The following KLHL3 variants were observed in gnomAD, a reference collection of about 807,000 sequenced individuals.
KLHL3 encodes kelch-like protein 3.
In KLHL3, 19 loss-of-function variants were observed where a neutral mutation model predicts 70.5. The observed-to-expected ratio is 0.27, with a 90% CI of 0.19 to 0.40. The LOEUF (loss-of-function observed/expected upper bound fraction) is 0.40, where lower values mean the gene tolerates loss of function less well. Ranked by LOEUF, KLHL3 falls within the 10% of genes least tolerant of loss-of-function variation. The pLI is 1.00. For synonymous variants in KLHL3, 258 were observed against 290.3 expected, an observed-to-expected ratio of 0.89 and a Z score of 1.13; for missense variants, 512 against 771.1, an observed-to-expected ratio of 0.66 and a Z score of 3.98.
chr5:137,633,591 A>G (rs1348898317), intron 12 of KLHL3, among the ~76,000 whole-genome samples: 1 of 152,230 alleles, frequency 6.6e-6, no homozygotes, highest in Admixed American at 6.5e-5. Context: ...GGCTGATTAA[A>G]GAAAATATAG....
intron 14 of KLHL3, among the ~76,000 whole-genome samples, chr5:137,622,590 C>A (rs890004060): frequency 2.6e-5 from 4 of 152,244 alleles, no homozygotes; most frequent in African/African-American, 9.7e-5. Flanking sequence ...AATTCCATTC[C>A]TAGCTCTGCC....
rs980456938 is a variant in KLHL3 at position 137,620,830 on chromosome 5, G to T, written c.*1268C>A. The T allele has an allele frequency of 2.0e-5, 3 of 152,250 alleles. No homozygotes were observed. The highest frequency in any genetic ancestry group is 4.4e-5 in the Non-Finnish European group (3 of 68,064). 9.4% of individuals were successfully genotyped at this position (152,250 alleles called of 1,614,324 possible). ...ACCTCACAGGGAAAGCAGTAGTGGG[G>T]TTCTTGGGGGTTGGGGAGAGGGTGC... is the stretch of plus-strand genomic sequence containing the variant. On this transcript the variant is annotated 3_prime_UTR_variant, in exon 15 of 15. Transcript: ENST00000309755.
chr5:137,638,858 G>A, intron 10 of KLHL3, 95 bp downstream of exon 10: 1 of 1,203,272 alleles, frequency 8.3e-7, no homozygotes, highest in Non-Finnish European at 1.2e-6. Context: ...GCTACAAATG[G>A]ACAGAAAGTT....
At chr5:137,707,708 A>T (rs962439048) in intron 3 of KLHL3, 4 of 154,358 alleles carry the variant, frequency 2.6e-5, no homozygotes, top group African/African-American at 9.6e-5. Flanking sequence ...TGGGCTGGGC[A>T]TTGCATTACA....
chr5:137,689,828 TA>T (rs1752272876), intron 5 of KLHL3, among the ~76,000 whole-genome samples: 1 of 152,156 alleles, frequency 6.6e-6, no homozygotes, highest in African/African-American at 2.4e-5. Flanking sequence ...TTTTAAATTT[TA>T]AAAAAGGTGG....
Position 137,624,545 on chromosome 5 carries a change from GA to G in KLHL3, c.1735+1207del, listed in dbSNP as rs1464036827. ...TTCATTACAACAGAAGTCTTATGTT[GA>G]AAGAATGTGCTGCAAACTCCTTCAA... On this transcript the variant is annotated intron_variant, in intron 14 of 14. Coordinates refer to ENST00000309755, the MANE Select transcript of KLHL3 (RefSeq NM_017415.3). Among the ~76,000 whole-genome samples, 8 of 152,180 alleles carry G rather than the reference GA, an allele frequency of 5.3e-5. No homozygotes were observed. The East Asian group carries it at 1.5e-3, about 29-fold the overall frequency.
chr5:137,666,044 T>G (rs1751606830), intron 6 of KLHL3, among the ~76,000 whole-genome samples: 1 of 152,220 alleles, frequency 6.6e-6, no homozygotes, highest in Non-Finnish European at 1.5e-5. Context: ...GCTATGTCCC[T>G]CATCCTCACA....
chr5:137,654,304 C>A (rs1751286747), intron 8 of KLHL3, among the ~76,000 whole-genome samples: 1 of 152,144 alleles, frequency 6.6e-6, no homozygotes, highest in African/African-American at 2.4e-5. Context: ...CTAACAAAAC[C>A]TGAAAGCTGT....
Position 137,698,365 on chromosome 5 carries a change from G to A in KLHL3, c.285C>T (p.Asp95=), listed in dbSNP as rs779945979. 14 of 1,614,108 alleles carry A rather than the reference G, an allele frequency of 8.7e-6. No homozygotes were observed. Among genetic ancestry groups the A allele is most frequent in the South Asian group, 3.3e-5 (3 of 91,082 alleles). The part of the protein sequence containing the change: ...ESKAKKIEIK[D]VDGQTLSKLI... ...GCTTACTCAGCGTCTGCCCATCCAC[G>A]TCCTTGATTTCTATCTTTTTGGCTT... Residue 95 remains aspartate, a synonymous_variant, in exon 4 of 15, where the codon GAC becomes GAT. Transcript: ENST00000309755.
intron 2 of KLHL3, among the ~76,000 whole-genome samples, chr5:137,717,431 G>A (rs1752915288): frequency 6.6e-6 from 1 of 152,222 alleles, no homozygotes; most frequent in South Asian, 2.1e-4. Flanking sequence ...TTGGGAGGCT[G>A]AGGGAGGAGA....
At chr5:137,684,783 T>C (rs1352753932) in intron 5 of KLHL3, among the ~76,000 whole-genome samples, 2 of 152,230 alleles carry the variant, frequency 1.3e-5, no homozygotes, top group Non-Finnish European at 2.9e-5. Flanking sequence ...CTGGGGTCCA[T>C]TTCCCAGCTA....
At chr5:137,652,454 T>C (rs749274047) in intron 8 of KLHL3, among the ~76,000 whole-genome samples, 53 of 152,344 alleles carry the variant, frequency 3.5e-4, no homozygotes, top group African/African-American at 1.2e-3. Flanking sequence ...AACTGTGGTA[T>C]ACATATTTAG....
rs551749889 is a variant in KLHL3 at position 137,637,396 on chromosome 5, C to T, written c.1220-1G>A. 3 of 1,613,620 alleles carry T rather than the reference C, an allele frequency of 1.9e-6. No individual in the cohort carries two copies. In the South Asian group the frequency reaches 3.3e-5, roughly 18 times the overall value. ...CTGTAGGCTTCCACCGATGCTAGGC[C>T]TGGGAGACAAGAGACTCATGAGACT... On this transcript the variant is annotated splice_acceptor_variant, in intron 10 of 14. Transcript: ENST00000309755. LOFTEE classifies it high-confidence loss of function.
intron 5 of KLHL3, among the ~76,000 whole-genome samples, chr5:137,679,483 G>A (rs1354235841): frequency 6.6e-6 from 1 of 152,170 alleles, no homozygotes; most frequent in African/African-American, 2.4e-5. Context: ...CTGACAGCCG[G>A]AGAAGGGAAA....
At chr5:137,720,039 C>T (rs1017125723) in intron 2 of KLHL3, among the ~76,000 whole-genome samples, 4 of 152,142 alleles carry the variant, frequency 2.6e-5, no homozygotes, top group African/African-American at 4.8e-5. Flanking sequence ...CGGTGGCTCA[C>T]GCCTGTAATC....
chr5:137,706,279 C>T lies in KLHL3; in HGVS notation c.241+3471G>A, dbSNP rs191502160. ...AACACACTGATAGAAATGGATCTAA[C>T]GAGAGTCAGCCTCTTACTCTCAGTA... is the stretch of plus-strand genomic sequence containing the variant. On this transcript the variant is annotated intron_variant, in intron 3 of 14. Transcript: ENST00000309755. 121 of 985,420 alleles carry T rather than the reference C, an allele frequency of 1.2e-4. No homozygotes were observed. The East Asian group carries it at 8.4e-3, about 68-fold the overall frequency. The allele number at this position is 985,420 out of a possible 1,614,324, so 61.0% of individuals were successfully genotyped here.
chr5:137,696,080 T>C (rs1467761559), intron 4 of KLHL3, among the ~76,000 whole-genome samples: 1 of 152,214 alleles, frequency 6.6e-6, no homozygotes, highest in Non-Finnish European at 1.5e-5. Context: ...TTTTGTTTTT[T>C]TTTCTTCCTC....
chr5:137,704,181 C>A (rs774996043), intron 3 of KLHL3, among the ~76,000 whole-genome samples: 1 of 151,982 alleles, frequency 6.6e-6, no homozygotes, highest in Non-Finnish European at 1.5e-5. Flanking sequence ...GTCAGGAGAT[C>A]GAGACCATCC....
rs774052420 is a variant in KLHL3, at chr5:137,625,909, C to T, written c.1592-13G>A. On this transcript the variant is annotated splice_polypyrimidine_tract_variant and intron_variant, in intron 13 of 14. Transcript: ENST00000309755. The stretch of plus-strand genomic sequence containing the variant: ...ACTGCACAGACCCCTGTGAGTCAAA[C>T]AAAAGCCATGGGAGACATCACAGCA... 6.2e-7 allele frequency: 1 copy of T among 1,613,932 alleles called. No individual in the cohort carries two copies. The highest frequency in any genetic ancestry group is 8.5e-7 in the Non-Finnish European group (1 of 1,180,002).
Sources: gnomAD v4.1 joint callset for allele counts (sites outside exome capture counted in the v4.1 genomes callset) on GRCh38, gnomAD v4.1.1 for gene constraint, MANE v1.5 for transcripts, NCBI Gene and HGNC (gene_info 2026-07-23, HGNC 2026-07-21) for gene names.